Variants in STK3 observed in about 807,000 individuals in gnomAD.
STK3 encodes the protein serine/threonine kinase 3.
In STK3, 41 loss-of-function variants were observed where a neutral mutation model predicts 58.0. That is an observed-to-expected ratio of 0.71 (90% CI 0.55 to 0.92). The LOEUF (loss-of-function observed/expected upper bound fraction) is 0.92, where lower values mean the gene tolerates loss of function less well. Among genes scored for constraint, STK3 ranks in the 40% least tolerant of loss-of-function variants. The probability of loss-of-function intolerance (pLI) is 0.00; values close to 1 mark genes in which losing one functional copy is unlikely to be tolerated. For missense variants in STK3, 479 were observed against 602.7 expected (o/e 0.79, Z 2.15); for synonymous variants, 170 against 191.0 (o/e 0.89, Z 0.91).
chr8:98,391,772 C>T (rs1389518974), upstream of STK3, among the ~76,000 whole-genome samples: 3 of 152,100 alleles, frequency 2.0e-5, no homozygotes, highest in African/African-American at 7.2e-5. Flanking sequence ...TGTGCTTACT[C>T]CATCTTAACT....
intron 6 of STK3, among the ~76,000 whole-genome samples, chr8:98,664,138 T>TCAATAATTAATATATATATTAATGA (rs1822166312): frequency 6.6e-6 from 1 of 152,182 alleles, no homozygotes; most frequent in South Asian, 2.1e-4. Context: ...TGAATATATC[T>TCAATAATTAATATATATATTAATGA]ACATACCAAA....
chr8:98,877,505 T>C (rs1352941936), intron 3 of STK3, among the ~76,000 whole-genome samples: 2 of 152,140 alleles, frequency 1.3e-5, no homozygotes, highest in Non-Finnish European at 2.9e-5. Context: ...TTTTTTGAGA[T>C]GGAGTTTCGC....
In STK3 at chr8:98,508,078, T is replaced by C. The variant is rs555142215; in HGVS notation, c.1317+18664A>G. On this transcript the variant is annotated intron_variant, in intron 10 of 10. Transcript: ENST00000419617. ...ATATGCTTTGTGAAGGTAGAGATTTTTGTCTGGTTTATTTGTTGCTATATC... is the reference window on the plus strand; with the variant it reads ...ATATGCTTTGTGAAGGTAGAGATTTCTGTCTGGTTTATTTGTTGCTATATC... 4.6e-5 allele frequency among the ~76,000 whole-genome samples: 7 copies of C among 152,326 alleles called. No individual in the cohort carries two copies. The South Asian group carries it at 1.5e-3, about 32-fold the overall frequency.
intron 2 of STK3, among the ~76,000 whole-genome samples, chr8:98,372,667 G>A (rs943248054): frequency 1.3e-5 from 2 of 152,334 alleles, no homozygotes; most frequent in Admixed American, 6.5e-5. Context: ...CCACATTGTA[G>A]GCAGAGGGTC....
intron 1 of STK3, among the ~76,000 whole-genome samples, chr8:98,933,936 T>C (rs1242959049): frequency 1.3e-5 from 2 of 152,158 alleles, no homozygotes; most frequent in African/African-American, 2.4e-5. Context: ...CAATTTTAAA[T>C]GGTAATTAAG....
chr8:98,397,097 G>C (rs1374849141), downstream of STK3, among the ~76,000 whole-genome samples: 2 of 152,166 alleles, frequency 1.3e-5, no homozygotes, highest in Non-Finnish European at 2.9e-5. Flanking sequence ...AACAGAATCT[G>C]AACGTTACCC....
intron 10 of STK3, among the ~76,000 whole-genome samples, chr8:98,473,867 A>G (rs1260943332): frequency 1.3e-5 from 2 of 152,150 alleles, no homozygotes; most frequent in Non-Finnish European, 2.9e-5. Flanking sequence ...TTTCCTAGGC[A>G]GTCTCATACA....
At chr8:98,369,571 G>A (rs1817592264), downstream of STK3, among the ~76,000 whole-genome samples, 1 of 152,124 alleles carries the variant, frequency 6.6e-6, no homozygotes, top group Admixed American at 6.5e-5. Context: ...CAGAAAATAA[G>A]TTTCATGTGC....
intron 3 of STK3, among the ~76,000 whole-genome samples, chr8:98,406,285 ATTT>A (rs1849864938): frequency 1.4e-5 from 1 of 71,396 alleles, no homozygotes; most frequent in Non-Finnish European, 2.9e-5. Flanking sequence ...ATTTTATTTT[ATTT>A]TATGTTATTT....
At chr8:98,481,756 CTT>C (rs1289874724) in intron 10 of STK3, among the ~76,000 whole-genome samples, 1 of 150,922 alleles carries the variant, frequency 6.6e-6, no homozygotes, top group Non-Finnish European at 1.5e-5. Flanking sequence ...GCCTCCTAGA[CTT>C]TATAATCTCA....
At chr8:98,794,990 C>T (rs1174523814) in intron 1 of STK3, among the ~76,000 whole-genome samples, 2 of 141,342 alleles carry the variant, frequency 1.4e-5, no homozygotes, top group African/African-American at 2.7e-5. Context: ...ATGGCTTGAA[C>T]CCGGGAGGCA....
chr8:98,676,614 TAAA>T (rs773621636), intron 6 of STK3, among the ~76,000 whole-genome samples: 2 of 137,432 alleles, frequency 1.5e-5, no homozygotes, highest in Non-Finnish European at 1.6e-5. Flanking sequence ...ACTCTATCTT[TAAA>T]AAAAAAAAAA....
chr8:98,793,594 G>A (rs1832946455), intron 1 of STK3, among the ~76,000 whole-genome samples: 1 of 152,100 alleles, frequency 6.6e-6, no homozygotes, highest in African/African-American at 2.4e-5. Context: ...ATAATAATGG[G>A]AGACTTCAAC....
At chr8:98,620,467 AAAAAAAAT>A (rs1413824095) in intron 6 of STK3, among the ~76,000 whole-genome samples, 2 of 147,346 alleles carry the variant, frequency 1.4e-5, no homozygotes, top group Admixed American at 6.7e-5. Flanking sequence ...AAAGTATAAT[AAAAAAAAT>A]AAATAAATAA....
At chr8:98,741,208 T>C (rs1829175943) in intron 4 of STK3, among the ~76,000 whole-genome samples, 1 of 152,150 alleles carries the variant, frequency 6.6e-6, no homozygotes, top group Admixed American at 6.5e-5. Context: ...TTAACAAGGA[T>C]ATCCAGGAAT....
chr8:98,804,974 A>C (rs1833810743), intron 1 of STK3, among the ~76,000 whole-genome samples: 3 of 152,192 alleles, frequency 2.0e-5, no homozygotes, highest in Admixed American at 2.0e-4. Flanking sequence ...ACTTCTTCCT[A>C]ATCTTCTAAA....
At chr8:98,485,564 G>A (rs994720840) in intron 10 of STK3, among the ~76,000 whole-genome samples, 20 of 152,304 alleles carry the variant, frequency 1.3e-4, no homozygotes, top group Admixed American at 1.3e-3. Flanking sequence ...GCTGGAGACC[G>A]TTTAACAGAA....
intron 7 of STK3, among the ~76,000 whole-genome samples, chr8:98,584,917 A>G (rs1433817353): frequency 6.6e-6 from 1 of 151,522 alleles, no homozygotes; most frequent in East Asian, 1.9e-4. Context: ...GTGTCTGTTC[A>G]TGTCCTTCGC....
At chr8:98,939,672 C>T (rs1209315147) in intron 1 of STK3, among the ~76,000 whole-genome samples, 2 of 152,252 alleles carry the variant, frequency 1.3e-5, no homozygotes, top group Non-Finnish European at 2.9e-5. Context: ...TTTGAATTTT[C>T]CCAAAGTTTA....
Sources: allele counts gnomAD v4.1 joint callset (sites outside exome capture counted in the v4.1 genomes callset), GRCh38; gene constraint gnomAD v4.1.1; transcripts MANE v1.5; gene names NCBI Gene and HGNC (gene_info 2026-07-23, HGNC 2026-07-21).